The following LMAN1L variants were observed in gnomAD, a reference collection of about 807,000 sequenced individuals.
LMAN1L encodes the protein lectin, mannose binding 1 like.
In LMAN1L, 60 loss-of-function variants were observed where a neutral mutation model predicts 58.3. That is an observed-to-expected ratio of 1.03 (90% CI 0.84 to 1.27). The LOEUF is 1.27. Ranked by LOEUF, LMAN1L falls within the 50% of genes most tolerant of loss-of-function variation. The pLI is 0.00. For synonymous variants in LMAN1L, 280 were observed against 271.6 expected (o/e 1.03, Z -0.31); for missense variants, 629 against 674.0 (o/e 0.93, Z 0.74).
Position 74,819,970 on chromosome 15 carries a change from G to T in LMAN1L, c.719-74G>T. ...TCTTGCCTCGGTGGGATATCATGGC[G>T]GTTAGGGTGAAGGCTGAGCGAGGGG... On this transcript the variant is annotated intron_variant, in intron 6 of 13. Transcript: ENST00000309664. 3 of 1,380,540 alleles carry T rather than the reference G, an allele frequency of 2.2e-6. No individual in the cohort carries two copies. The East Asian group carries it at 6.9e-5, about 32-fold the overall frequency. The allele number at this position is 1,380,540 out of a possible 1,614,324, so 85.5% of individuals were successfully genotyped here.
At position 74,823,701 on chromosome 15, in the gene LMAN1L, G is replaced by C; in HGVS notation, c.1323+19G>C. The C allele has an allele frequency of 1.9e-6, 3 of 1,610,380 alleles. No individual in the cohort carries two copies. The highest frequency in any genetic ancestry group is 2.5e-6 in the Non-Finnish European group (3 of 1,179,136). The stretch of plus-strand genomic sequence containing the variant: ...CCCGGCGGTGAGGGGAAAGTAGTGG[G>C]CAGCATGGGGTCCCCAACCTTGACG... On this transcript the variant is annotated intron_variant, in intron 12 of 13. Transcript: ENST00000309664.
rs1376775861 is a variant in LMAN1L at position 74,816,234 on chromosome 15, T to C, written c.253T>C (p.Ser85Pro). 1.9e-6 allele frequency: 3 copies of C among 1,597,274 alleles called. No homozygotes were observed. The Admixed American group carries it at 5.2e-5, about 28-fold the overall frequency. The change falls in exon 2 of 14, where the codon TCT (serine) becomes CCT (proline). Residue 85 changes from serine to proline, a missense_variant. Coordinates refer to ENST00000309664, the MANE Select transcript of LMAN1L (RefSeq NM_021819.3). ...GAGTGGCGCCGTGTGGAGCAGGGCC[T>C]CTGTCCCCTTCTCTGCCTGGGAAGT... ...NRSGAVWSRA[S>P]VPFSAWEVEV...
At chr15:74,819,575 G>A in intron 6 of LMAN1L, 1 of 524,176 alleles carries the variant, frequency 1.9e-6, no homozygotes, top group Non-Finnish European at 3.4e-6. Flanking sequence ...GTGACACCAT[G>A]GAGAGTCCAC....
intron 4 of LMAN1L, among the ~76,000 whole-genome samples, chr15:74,817,967 C>G (rs1189815599): frequency 6.7e-6 from 1 of 149,416 alleles, no homozygotes; most frequent in East Asian, 2.0e-4. Context: ...GAGCCGAGAT[C>G]GCGCCACTGC....
At position 74,821,832 on chromosome 15, in the gene LMAN1L, C is replaced by G. The variant is rs769483691; in HGVS notation, c.1063C>G (p.Leu355Val). Residue 355 changes from leucine to valine, a missense_variant, in exon 10 of 14, where the codon CTG (leucine) becomes GTG (valine). Leu to Val is a conservative substitution (Grantham distance 32, BLOSUM62 1). Transcript: ENST00000309664. ...GCCTCTCTGATCCTATCCCCAGGCC[C>G]TGGATGCTTCCTGCCAGATTCCATC... ...GQARPDGGWALDASCQIPSTP... is the reference protein window; with the variant it reads ...GQARPDGGWAVDASCQIPSTP... The G allele has an allele frequency of 2.5e-6, 4 of 1,611,678 alleles. No homozygotes were observed. Among genetic ancestry groups the G allele is most frequent in the Non-Finnish European group, 3.4e-6 (4 of 1,178,100 alleles).
chr15:74,825,378 G>A, intron 13 of LMAN1L, 98 bp from the exon 14 acceptor site: 1 of 1,308,648 alleles, frequency 7.6e-7, no homozygotes, highest in South Asian at 1.4e-5. Context: ...GGAGGTTGTG[G>A]TGCAGTGAGT....
chr15:74,815,539 A>T (rs7176022), intron 1 of LMAN1L, among the ~76,000 whole-genome samples: 13 of 152,138 alleles, frequency 8.5e-5, no homozygotes, highest in South Asian at 4.1e-4. Flanking sequence ...CTTTCATCGC[A>T]GTCCTGTGGG....
chr15:74,816,485 C>T lies in LMAN1L; in HGVS notation c.389C>T (p.Ser130Leu). The T allele has an allele frequency of 5.2e-6, 8 of 1,550,024 alleles. No homozygotes were observed. The highest frequency in any genetic ancestry group is 2.3e-5 in the East Asian group (1 of 44,198). The change falls in exon 3 of 14, where the codon TCG (serine) becomes TTG (leucine). Residue 130 changes from serine to leucine, a missense_variant. This residue lies in a region of LMAN1L where 573 missense variants were observed against 597.3 expected (regional missense o/e 0.96). Transcript: ENST00000309664. ...GGCTCTGTCCTTGGGGGGCTGGCTTCGTGGGACGGCATCGGGATCTTCTTT... is the reference window on the plus strand; with the variant it reads ...GGCTCTGTCCTTGGGGGGCTGGCTTTGTGGGACGGCATCGGGATCTTCTTT... ...HVGSVLGGLA[S>L]WDGIGIFFDS...
chr15:74,820,956 C>T, intron 8 of LMAN1L, 119 bp from the exon 9 acceptor site: 1 of 1,357,278 alleles, frequency 7.4e-7, no homozygotes, highest in Non-Finnish European at 9.9e-7. Flanking sequence ...AGGAGAGGGT[C>T]TTGGAGGCAG....
chr15:74,817,633 G>C (rs16972853), intron 4 of LMAN1L, among the ~76,000 whole-genome samples: 1 of 152,234 alleles, frequency 6.6e-6, no homozygotes, highest in African/African-American at 2.4e-5. Context: ...CAGGTCATCC[G>C]TCCTGAGTCA....
At position 74,821,119 on chromosome 15, in the gene LMAN1L, C is replaced by A. The variant is rs138585415; in HGVS notation, c.952C>A (p.Arg318=). ...GGAGGAGACGCTGGGCAGACACCGC[C>A]GGATCCTGCAGGCTCTGCGGGGTCT... is the stretch of plus-strand genomic sequence containing the variant. ...DLEETLGRHR[R]ILQALRGLSK... Residue 318 remains arginine (R), a synonymous_variant, in exon 9 of 14, where the codon CGG becomes AGG. Transcript: ENST00000309664. The A allele has an allele frequency of 3.8e-6, 6 of 1,569,194 alleles. No homozygotes were observed. The highest frequency in any genetic ancestry group is 1.3e-5 in the African/African-American group (1 of 74,334).
Position 74,825,709 on chromosome 15 carries a change from T to C in LMAN1L, c.*104T>C. 8.4e-7 allele frequency: 1 copy of C among 1,187,414 alleles called. No individual in the cohort carries two copies. Among genetic ancestry groups the C allele is most frequent in the Non-Finnish European group, 1.2e-6 (1 of 836,916 alleles). 73.6% of individuals were successfully genotyped at this position (1,187,414 alleles called of 1,614,324 possible). ...TGGGTGCCCAGCTCCCACGCACACC[T>C]GAGCTTTCGGCATGCTCCCACCTCG... On this transcript the variant is annotated 3_prime_UTR_variant, in exon 14 of 14. Coordinates refer to ENST00000309664, the MANE Select transcript of LMAN1L (RefSeq NM_021819.3).
At chr15:74,822,063 G>C (rs572967537) in intron 10 of LMAN1L, among the ~76,000 whole-genome samples, 163 bp downstream of exon 10, 17 of 152,220 alleles carry the variant, frequency 1.1e-4, no homozygotes, top group South Asian at 6.2e-4. Flanking sequence ...TGGCTCACGC[G>C]TGTAATCCTA....
chr15:74,820,427 C>T, intron 7 of LMAN1L: 1 of 692,674 alleles, frequency 1.4e-6, no homozygotes, highest in South Asian at 1.8e-5. Flanking sequence ...CTTAAAGGAG[C>T]CTCGGACCAG....
chr15:74,815,549 GC>G (rs770481187), intron 1 of LMAN1L, among the ~76,000 whole-genome samples: 2 of 152,218 alleles, frequency 1.3e-5, no homozygotes, highest in Non-Finnish European at 2.9e-5. Context: ...AGTCCTGTGG[GC>G]CGGTTCTCAC....
At position 74,823,505 on chromosome 15, in the gene LMAN1L, G is replaced by A. The variant is rs867595175; in HGVS notation, c.1200-54G>A. The A allele has an allele frequency of 2.5e-6, 4 of 1,600,362 alleles. No individual in the cohort carries two copies. In the African/African-American group the frequency reaches 5.4e-5, roughly 21 times the overall value. On this transcript the variant is annotated intron_variant, in intron 11 of 13. Transcript: ENST00000309664. ...AGATGGGAAATGATTAGGCCATCTG[G>A]GTGGAAGCAGAAGAGGTAATGAGTC...
At chr15:74,813,161 G>A (rs2063873503) in intron 1 of LMAN1L, 132 bp downstream of exon 1, 2 of 971,520 alleles carry the variant, frequency 2.1e-6, no homozygotes, top group Admixed American at 2.2e-5. Flanking sequence ...GACAGTGCCA[G>A]GCACCCCAGG....
rs200470777 is a variant in LMAN1L, at chr15:74,819,123, C to G, written c.598-29C>G. ...GGGAGTCAGAGGTAGGGACACCCCC[C>G]CACTGCTCACTCTCTCCATGTCCCT... On this transcript the variant is annotated intron_variant, in intron 5 of 13. Coordinates refer to ENST00000309664, the MANE Select transcript of LMAN1L (RefSeq NM_021819.3). The G allele has an allele frequency of 1.5e-3, 2,344 of 1,583,274 alleles. 6 individuals are homozygous for G. Among genetic ancestry groups the G allele is most frequent in the Non-Finnish European group, 1.9e-3 (2,196 of 1,162,208 alleles).
chr15:74,816,702 T>G lies in LMAN1L; in HGVS notation c.497+12T>G. 6.2e-7 allele frequency: 1 copy of G among 1,612,676 alleles called. No individual in the cohort carries two copies. Among genetic ancestry groups the G allele is most frequent in the Non-Finnish European group, 8.5e-7 (1 of 1,179,160 alleles). On this transcript the variant is annotated intron_variant, in intron 4 of 13. Transcript: ENST00000309664. ...TCTGAGCAGCCTGGGTAAGGGCCTG[T>G]CTGGACTGACCACTCACCTCCATTT...
Sources: gnomAD v4.1 joint callset for allele counts (sites outside exome capture counted in the v4.1 genomes callset) on GRCh38, gnomAD v4.1.1 for gene constraint, gnomAD v4.1.1 regional missense constraint, MANE v1.5 for transcripts, NCBI Gene and HGNC (gene_info 2026-07-23, HGNC 2026-07-21) for gene names.